DMXL1: variants seen among roughly 807,000 people sequenced by gnomAD.
The protein encoded by DMXL1 is dmX-like protein 1.
DMXL1 carries 99 observed loss-of-function variants against 319.2 expected under a neutral mutation model. The observed-to-expected ratio is 0.31, with a 90% CI of 0.26 to 0.37. DMXL1 has a LOEUF of 0.37. Among genes scored for constraint, DMXL1 ranks in the 10% least tolerant of loss-of-function variants. The pLI is 1.00. For missense variants in DMXL1, 3,745 were observed against 3,595.6 expected, an observed-to-expected ratio of 1.04 and a Z score of -1.06; for synonymous variants, 1,385 against 1,235.2, an observed-to-expected ratio of 1.12 and a Z score of -2.54.
chr5:119,229,160 GA>G (rs1238134732), intron 38 of DMXL1, among the ~76,000 whole-genome samples: 107 of 110,902 alleles, frequency 9.6e-4, no homozygotes, highest in Admixed American at 1.4e-3. Context: ...CACAATAAAG[GA>G]AAAAAAAAAA....
chr5:119,184,511 A>G (rs139396812), intron 28 of DMXL1, among the ~76,000 whole-genome samples: 1 of 152,298 alleles, frequency 6.6e-6, no homozygotes, highest in East Asian at 1.9e-4. Context: ...ATGACTAAAA[A>G]CACATGATAT....
chr5:119,167,908 G>T, intron 23 of DMXL1, 44 bp downstream of exon 23: 4 of 1,568,598 alleles, frequency 2.6e-6, no homozygotes, highest in Non-Finnish European at 3.5e-6. Context: ...AATATTATTG[G>T]TAATTGCTAC....
intron 28 of DMXL1, among the ~76,000 whole-genome samples, chr5:119,183,618 G>A (rs1380835554): frequency 1.1e-4 from 16 of 151,896 alleles, no homozygotes; most frequent in East Asian, 1.9e-4. Context: ...GATTACAGGC[G>A]TGCACCACCA....
intron 32 of DMXL1, 118 bp downstream of exon 32, chr5:119,198,074 T>G (rs1457952016): frequency 1.1e-6 from 1 of 930,202 alleles, no homozygotes; most frequent in African/African-American, 1.6e-5. Context: ...CTGCAGCCTC[T>G]GCCTCCTGGG....
chr5:119,163,990 C>T (rs1298018939), intron 19 of DMXL1, among the ~76,000 whole-genome samples: 4 of 152,068 alleles, frequency 2.6e-5, no homozygotes, highest in East Asian at 1.9e-4. Context: ...GGGATTACAG[C>T]GTAAGCCACC....
Position 119,170,318 on chromosome 5 carries a change from A to G in DMXL1, c.5527A>G (p.Lys1843Glu), listed in dbSNP as rs766910169. Residue 1843 changes from lysine (K) to glutamate (E), a missense_variant, in exon 24 of 44, where the codon AAA becomes GAA. By Grantham distance (56) the Lys-to-Glu change is moderately conservative. This residue lies in a region of DMXL1 where 1,382 missense variants were observed against 1,269.5 expected (regional missense o/e 1.09). Coordinates refer to ENST00000539542, the MANE Select transcript of DMXL1 (RefSeq NM_001290321.3). The part of the protein sequence containing the change: ...TFSTHMSLTG[K>E]SGLAGTINLS... Reference sequence around the variant, plus strand: ...TTCCACACATATGAGCCTAACAGGAAAAAGTGGACTGGCAGGAACAATTAA... The same window carrying G: ...TTCCACACATATGAGCCTAACAGGAGAAAGTGGACTGGCAGGAACAATTAA... 9 of 1,613,922 alleles carry G rather than the reference A, an allele frequency of 5.6e-6. No individual in the cohort carries two copies. In the East Asian group the frequency reaches 2.0e-4, roughly 36 times the overall value.
Position 119,148,721 on chromosome 5 carries a change from G to C in DMXL1, c.2912-18G>C. 1.3e-6 allele frequency: 2 copies of C among 1,586,334 alleles called. No individual in the cohort carries two copies. Among genetic ancestry groups the C allele is most frequent in the Non-Finnish European group, 1.7e-6 (2 of 1,165,832 alleles). On this transcript the variant is annotated intron_variant, in intron 17 of 43. Coordinates refer to ENST00000539542, the MANE Select transcript of DMXL1 (RefSeq NM_001290321.3). ...TAACCAAATTTGACATTTTGTTAACGGATTATTTTTATTTTAGGACATCTG... is the reference window on the plus strand; with the variant it reads ...TAACCAAATTTGACATTTTGTTAACCGATTATTTTTATTTTAGGACATCTG...
intron 4 of DMXL1, among the ~76,000 whole-genome samples, chr5:119,109,510 C>T (rs147216482): frequency 3.9e-5 from 6 of 152,342 alleles, no homozygotes; most frequent in Admixed American, 2.6e-4. Context: ...AAACTCTTCA[C>T]AGTCTCACCT....
chr5:119,196,724 G>T (rs1042762797), intron 31 of DMXL1, among the ~76,000 whole-genome samples: 1 of 152,244 alleles, frequency 6.6e-6, no homozygotes, highest in Non-Finnish European at 1.5e-5. Flanking sequence ...CTAGCCAAGT[G>T]TTGAGGGATT....
In DMXL1 at chr5:119,206,908, C is replaced by G. The variant is rs940517033; in HGVS notation, c.7926+12C>G. 1 of 1,476,574 alleles carries G rather than the reference C, an allele frequency of 6.8e-7. No individual in the cohort carries two copies. The highest frequency in any genetic ancestry group is 9.1e-7 in the Non-Finnish European group (1 of 1,100,582). The allele number at this position is 1,476,574 out of a possible 1,614,324, so 91.5% of individuals were successfully genotyped here. The stretch of plus-strand genomic sequence containing the variant: ...CAAACATCAATAAGGTACAAAATAT[C>G]ATTCAACTGAAATTAAAAATTGCAT... On this transcript the variant is annotated intron_variant, in intron 34 of 43. Transcript: ENST00000539542.
chr5:119,223,714 T>A (rs532767998), intron 37 of DMXL1, among the ~76,000 whole-genome samples: 1 of 152,182 alleles, frequency 6.6e-6, no homozygotes, highest in Admixed American at 6.5e-5. Flanking sequence ...ATTTTACATA[T>A]GCTTTCAGAA....
intron 15 of DMXL1, 105 bp downstream of exon 15, chr5:119,144,743 A>C (rs1240182284): frequency 1.5e-6 from 1 of 648,744 alleles, no homozygotes; most frequent in Non-Finnish European, 2.5e-6. Flanking sequence ...TTGAAGTAAA[A>C]ATTGGGGTAG....
intron 28 of DMXL1, among the ~76,000 whole-genome samples, chr5:119,181,555 C>T (rs1003807495): frequency 6.6e-6 from 1 of 152,202 alleles, no homozygotes; most frequent in Non-Finnish European, 1.5e-5. Context: ...GATGTGGTGG[C>T]TCACACCTGT....
At chr5:119,196,512 G>GTTTTT in intron 31 of DMXL1, 56 bp downstream of exon 31, 1 of 656,598 alleles carries the variant, frequency 1.5e-6, no homozygotes, top group Non-Finnish European at 2.4e-6. Flanking sequence ...TTACTACTCT[G>GTTTTT]TTGTTTTTTT....
In DMXL1 at chr5:119,150,132, A is replaced by T. The variant is rs746816386; in HGVS notation, c.4305A>T (p.Ser1435=). ...GTAATGAGAGTACGTTAAGTAAATC[A>T]AACCAATTATCTAAAGAAAGTTATG... ...KSSNESTLSK[S]NQLSKESYDE... The change falls in exon 18 of 44, where the codon TCA becomes TCT. Residue 1435 remains serine (S), a synonymous_variant. Transcript: ENST00000539542. 3.7e-6 allele frequency: 6 copies of T among 1,613,828 alleles called. No homozygotes were observed. The highest frequency in any genetic ancestry group is 5.1e-6 in the Non-Finnish European group (6 of 1,179,896).
In DMXL1 at chr5:119,197,956, A is replaced by C. The variant is rs755716581; in HGVS notation, c.7745A>C (p.Lys2582Thr). 1 of 1,613,966 alleles carries C rather than the reference A, an allele frequency of 6.2e-7. No individual in the cohort carries two copies. The highest frequency in any genetic ancestry group is 8.5e-7 in the Non-Finnish European group (1 of 1,179,906). ...ALLEPTNTPF[K>T]SKHHLALSVK... ...CTGGAACCTACAAACACTCCTTTCA[A>C]GTAGGTTTTCTTATGAATGCTATTT... Residue 2582 changes from lysine to threonine, a missense_variant and splice_region_variant, in exon 32 of 44, where the codon AAA becomes ACA. Coordinates refer to ENST00000539542, the MANE Select transcript of DMXL1 (RefSeq NM_001290321.3).
Position 119,248,143 on chromosome 5 carries a change from A to G in DMXL1, c.*924A>G, listed in dbSNP as rs1790082444. The G allele has an allele frequency of 6.6e-6, 1 of 152,442 alleles. No homozygotes were observed. Among genetic ancestry groups the G allele is most frequent in the Non-Finnish European group, 1.5e-5 (1 of 67,962 alleles). 9.4% of individuals were successfully genotyped at this position (152,442 alleles called of 1,614,324 possible). ...GTCAACTTTCGAGCATCAAACAAATATTTTACTTAAATTTTATTTTATCTT... is the reference window on the plus strand; with the variant it reads ...GTCAACTTTCGAGCATCAAACAAATGTTTTACTTAAATTTTATTTTATCTT... On this transcript the variant is annotated 3_prime_UTR_variant, in exon 44 of 44. Coordinates refer to ENST00000539542, the MANE Select transcript of DMXL1 (RefSeq NM_001290321.3).
intron 9 of DMXL1, among the ~76,000 whole-genome samples, chr5:119,123,385 G>GGGAGGGGGAGGGA (rs1383156268): frequency 2.9e-5 from 1 of 34,652 alleles, no homozygotes; most frequent in East Asian, 4.0e-3. Context: ...GAGAGGGAGA[G>GGGAGGGGGAGGGA]GAGGGAGAGG....
At position 119,133,979 on chromosome 5, in the gene DMXL1, A is replaced by G; in HGVS notation, c.2055A>G (p.Gln685=). ...ALNIEECSLT[Q]QNKSTVDVAF... The stretch of plus-strand genomic sequence containing the variant: ...ATATTGAAGAATGCTCTTTGACACA[A>G]CAAAATAAAAGCACTGTTGACGTGG... Residue 685 remains glutamine (Q), a synonymous_variant, in exon 12 of 44, where the codon CAA becomes CAG. Transcript: ENST00000539542. 2.5e-6 allele frequency: 4 copies of G among 1,614,164 alleles called. No homozygotes were observed. Among genetic ancestry groups the G allele is most frequent in the Non-Finnish European group, 3.4e-6 (4 of 1,180,034 alleles).
Sources: allele counts gnomAD v4.1 joint callset (sites outside exome capture counted in the v4.1 genomes callset), GRCh38; gene constraint gnomAD v4.1.1; regional missense constraint gnomAD v4.1.1; transcripts MANE v1.5; gene names NCBI Gene and HGNC (gene_info 2026-07-23, HGNC 2026-07-21).